Variants in EPSTI1 observed in about 807,000 individuals in gnomAD.
The protein encoded by EPSTI1 is epithelial-stromal interaction protein 1.
A neutral mutation model predicts 49.9 loss-of-function variants in EPSTI1; 66 were observed. That is an observed-to-expected ratio of 1.32 (90% CI 1.08 to 1.62). EPSTI1 has a LOEUF of 1.62. Among genes scored for constraint, EPSTI1 ranks in the 40% most tolerant of loss-of-function variants. EPSTI1 has a pLI of 0.00. For synonymous variants in EPSTI1, 137 were observed against 130.7 expected (o/e 1.05, Z -0.33); for missense variants, 394 against 365.5 (o/e 1.08, Z -0.64).
At chr13:42,934,772 GC>G in intron 6 of EPSTI1, 1 of 191,866 alleles carries the variant, frequency 5.2e-6, no homozygotes. Context: ...TCATGGCCTG[GC>G]CCCCATCAGG....
chr13:42,904,717 G>C (rs1446885051), intron 8 of EPSTI1, among the ~76,000 whole-genome samples: 1 of 152,178 alleles, frequency 6.6e-6, no homozygotes, highest in Non-Finnish European at 1.5e-5. Context: ...TTGTAAGGTA[G>C]AGCAGGGGCC....
At chr13:42,979,121 G>C (rs1435655803) in intron 1 of EPSTI1, among the ~76,000 whole-genome samples, 1 of 151,974 alleles carries the variant, frequency 6.6e-6, no homozygotes. Flanking sequence ...ATGTATTAAC[G>C]TATAACGTAA....
Position 42,964,069 on chromosome 13 carries a change from T to C in EPSTI1, c.402A>G (p.Gln134=), listed in dbSNP as rs759650371. The C allele has an allele frequency of 1.3e-5, 21 of 1,613,116 alleles. No individual in the cohort carries two copies. Among genetic ancestry groups the C allele is most frequent in the Non-Finnish European group, 1.8e-5 (21 of 1,179,512 alleles). ...ACTAAAAGAGATGAATTCTGACCTT[T>C]TGCTTGTATTTAGATTGCATCAGCT... ...QLQLMQSKYK[Q]KLKREESVRI... Residue 134 remains glutamine, a synonymous_variant, in exon 4 of 11, where the codon CAA becomes CAG. Coordinates refer to ENST00000313624, the MANE Select transcript of EPSTI1 (RefSeq NM_033255.5).
intron 6 of EPSTI1, among the ~76,000 whole-genome samples, chr13:42,937,444 C>A (rs1566135536): frequency 1.3e-5 from 2 of 152,198 alleles, no homozygotes; most frequent in Non-Finnish European, 2.9e-5. Context: ...GCCTTTTACC[C>A]ATAGTAGAAC....
At chr13:42,972,734 G>A (rs2039795985) in intron 1 of EPSTI1, among the ~76,000 whole-genome samples, 1 of 152,236 alleles carries the variant, frequency 6.6e-6, no homozygotes, top group Non-Finnish European at 1.5e-5. Flanking sequence ...GGAGATTCCA[G>A]AACAGGGATA....
At chr13:42,962,794 G>A (rs574858780) in intron 5 of EPSTI1, among the ~76,000 whole-genome samples, 10 of 151,602 alleles carry the variant, frequency 6.6e-5, no homozygotes, top group Admixed American at 2.0e-4. Context: ...AAAAAAGAAA[G>A]GAAACAGTTT....
chr13:42,905,537 TAAA>T (rs1005471068), intron 8 of EPSTI1, among the ~76,000 whole-genome samples: 6 of 151,984 alleles, frequency 3.9e-5, no homozygotes, highest in Admixed American at 2.0e-4. Flanking sequence ...GTTAAGCAAA[TAAA>T]AAATAAGTTG....
chr13:42,949,838 A>G (rs2039042680), intron 6 of EPSTI1, among the ~76,000 whole-genome samples: 2 of 152,140 alleles, frequency 1.3e-5, no homozygotes. Flanking sequence ...ACACAATTGG[A>G]AAGATGACTA....
At chr13:42,940,113 G>T (rs114991149) in intron 6 of EPSTI1, among the ~76,000 whole-genome samples, 2,251 of 152,286 alleles carry the variant, frequency 0.015, 57 homozygotes, top group African/African-American at 0.049. Context: ...TGGCCTGTGT[G>T]GTCCACTTGA....
chr13:42,917,631 A>G lies in EPSTI1; in HGVS notation c.658-7T>C. 1.5e-6 allele frequency: 1 copy of G among 677,844 alleles called. No individual in the cohort carries two copies. The highest frequency in any genetic ancestry group is 2.3e-6 in the Non-Finnish European group (1 of 433,040). The allele number at this position is 677,844 out of a possible 1,614,324, so 42.0% of individuals were successfully genotyped here. ...TGTAAGCCCAGCTTCTGGCCTGTAA[A>G]GGTACAAAGAGAAAAAAAAAAAAAA... On this transcript the variant is annotated splice_region_variant and splice_polypyrimidine_tract_variant and intron_variant, in intron 7 of 10. Coordinates refer to ENST00000313624, the MANE Select transcript of EPSTI1 (RefSeq NM_033255.5).
intron 3 of EPSTI1, among the ~76,000 whole-genome samples, chr13:42,966,712 C>G (rs1319633452): frequency 1.2e-5 from 1 of 85,846 alleles, no homozygotes; most frequent in Non-Finnish European, 2.6e-5. Context: ...GCCCCCCGCC[C>G]GGCCAGCCGC....
At chr13:42,917,703 T>C (rs113454791) in intron 7 of EPSTI1, 79 bp from the exon 8 acceptor site, 15 of 1,043,168 alleles carry the variant, frequency 1.4e-5, no homozygotes, top group African/African-American at 8.0e-5. Context: ...CCAAGCTGCC[T>C]ACTATAGGCC....
intron 9 of EPSTI1, among the ~76,000 whole-genome samples, chr13:42,896,104 G>A (rs747752862): frequency 6.6e-6 from 1 of 152,160 alleles, no homozygotes; most frequent in Non-Finnish European, 1.5e-5. Flanking sequence ...GTCTGCGCTT[G>A]CTCAGTGCTA....
chr13:42,923,941 A>G (rs1434492713), intron 7 of EPSTI1, among the ~76,000 whole-genome samples: 2 of 152,248 alleles, frequency 1.3e-5, no homozygotes, highest in Non-Finnish European at 2.9e-5. Context: ...TTAAAGTATT[A>G]AAAATTATAT....
chr13:42,901,855 C>T (rs113815875), intron 8 of EPSTI1, among the ~76,000 whole-genome samples: 1,758 of 151,902 alleles, frequency 0.012, 30 homozygotes, highest in African/African-American at 0.038. Context: ...CATGCTGGTG[C>T]GCTGCACCCA....
At chr13:42,941,775 C>T (rs376810289) in intron 6 of EPSTI1, among the ~76,000 whole-genome samples, 1 of 151,168 alleles carries the variant, frequency 6.6e-6, no homozygotes, top group South Asian at 2.1e-4. Flanking sequence ...AGGCCTTGAA[C>T]ATGGCCAATT....
chr13:42,962,937 A>T (rs1417278075), intron 5 of EPSTI1, among the ~76,000 whole-genome samples: 1 of 152,268 alleles, frequency 6.6e-6, no homozygotes, highest in Non-Finnish European at 1.5e-5. Flanking sequence ...AGGTTGCAAT[A>T]CAATAATTAT....
In EPSTI1 at chr13:42,917,433, T is replaced by C. The variant is rs1198012577; in HGVS notation, c.741+108A>G. 5.1e-6 allele frequency: 5 copies of C among 984,040 alleles called. No homozygotes were observed. The African/African-American group carries it at 8.2e-5, about 16-fold the overall frequency. The allele number at this position is 984,040 out of a possible 1,614,324, so 61.0% of individuals were successfully genotyped here. On this transcript the variant is annotated intron_variant, in intron 8 of 10. Coordinates refer to ENST00000313624, the MANE Select transcript of EPSTI1 (RefSeq NM_033255.5). ...CTTTTATTTTCAATGCTTGTATTCT[T>C]GTTTTCAGGATTTTCATGTGTCTAA...
At chr13:42,924,673 A>G (rs570189047) in intron 7 of EPSTI1, among the ~76,000 whole-genome samples, 18 of 152,092 alleles carry the variant, frequency 1.2e-4, no homozygotes, top group Middle Eastern at 3.4e-3. Flanking sequence ...CAGCTTCTCA[A>G]CTCTTTCCCC....
Sources: allele counts gnomAD v4.1 joint callset (sites outside exome capture counted in the v4.1 genomes callset), GRCh38; gene constraint gnomAD v4.1.1; transcripts MANE v1.5; gene names NCBI Gene and HGNC (gene_info 2026-07-23, HGNC 2026-07-21).